The following SUPT16H variants were observed in gnomAD, a reference collection of about 807,000 sequenced individuals.
SUPT16H encodes the protein SPT16 homolog, facilitates chromatin remodeling subunit.
SUPT16H carries 24 observed loss-of-function variants against 136.2 expected under a neutral mutation model. The ratio of observed to expected loss-of-function variants is 0.18; its 90% CI spans 0.13 to 0.25. The LOEUF (loss-of-function observed/expected upper bound fraction) is 0.25. Ranked by LOEUF, SUPT16H falls within the 10% of genes least tolerant of loss-of-function variation. The pLI is 1.00. For synonymous variants in SUPT16H, 415 were observed against 428.2 expected, an observed-to-expected ratio of 0.97 and a Z score of 0.38; for missense variants, 623 against 1,270.2, an observed-to-expected ratio of 0.49 and a Z score of 7.74.
intron 14 of SUPT16H, 133 bp downstream of exon 14, chr14:21,362,661 G>A: frequency 2.9e-6 from 3 of 1,035,186 alleles, no homozygotes; most frequent in Middle Eastern, 3.3e-4. Context: ...AAGACAAGAG[G>A]GATGTCAGTA....
chr14:21,363,929 T>C (rs1183614703), intron 10 of SUPT16H, among the ~76,000 whole-genome samples: 1 of 152,168 alleles, frequency 6.6e-6, no homozygotes, highest in Non-Finnish European at 1.5e-5. Context: ...TCCACCTGCC[T>C]TGGCCTCCGA....
chr14:21,368,193 A>C, intron 7 of SUPT16H, 76 bp downstream of exon 7: 1 of 1,477,908 alleles, frequency 6.8e-7, no homozygotes, highest in South Asian at 1.3e-5. Flanking sequence ...TAGGGATTAC[A>C]GGTGTGACCC....
intron 1 of SUPT16H, among the ~76,000 whole-genome samples, chr14:21,380,990 CACT>C (rs1464455949): frequency 6.6e-6 from 1 of 151,698 alleles, no homozygotes; most frequent in East Asian, 1.9e-4. Context: ...CAGGAACCAC[CACT>C]ACCACCTGCG....
chr14:21,372,129 C>CA (rs1886798230), intron 2 of SUPT16H, 85 bp from the exon 3 acceptor site: 11 of 1,395,820 alleles, frequency 7.9e-6, no homozygotes, highest in Admixed American at 7.6e-5. Context: ...TACTTATAGA[C>CA]AAAAATAACA....
chr14:21,357,634 TTAAAAAA>T lies in SUPT16H; in HGVS notation c.2491-275_2491-269del, dbSNP rs960508373. On this transcript the variant is annotated intron_variant, in intron 21 of 25. Transcript: ENST00000216297. ...ATAAACTATTTAAAAAGACATTATC[TTAAAAAA>T]TAAAAAATAAAAAAAAGAGAGATAG... Among the ~76,000 whole-genome samples the T allele has an allele frequency of 5.3e-5, 8 of 151,916 alleles. No individual in the cohort carries two copies. The East Asian group carries it at 7.7e-4, about 15-fold the overall frequency.
Position 21,358,324 on chromosome 14 carries a change from C to T in SUPT16H, c.2405G>A (p.Arg802Lys), listed in dbSNP as rs1432956262. ...KEELEFEVPF[R>K]DLGFNGAPYR... is the part of the protein sequence containing the mutation. Reference sequence around the variant, plus strand: ...AAATAAGATAGGTTACCCCAAGTCCCTAAAAGGCACTTCAAATTCCAGTTC... The same window carrying T: ...AAATAAGATAGGTTACCCCAAGTCCTTAAAAGGCACTTCAAATTCCAGTTC... The change falls in exon 20 of 26, where the codon AGG becomes AAG. Residue 802 changes from arginine to lysine, a missense_variant. Physicochemically the swap from Arg to Lys is conservative, Grantham distance 26 (BLOSUM62 2). Transcript: ENST00000216297. The T allele has an allele frequency of 5.6e-6, 9 of 1,610,478 alleles. No homozygotes were observed. Among genetic ancestry groups the T allele is most frequent in the Non-Finnish European group, 7.6e-6 (9 of 1,178,346 alleles).
intron 1 of SUPT16H, among the ~76,000 whole-genome samples, chr14:21,377,564 A>G (rs1009747743): frequency 4.1e-4 from 62 of 151,396 alleles, no homozygotes; most frequent in African/African-American, 1.5e-3. Flanking sequence ...AGACATTTAT[A>G]TTCTATGCAT....
chr14:21,360,311 A>G (rs1445546557), intron 18 of SUPT16H, 104 bp downstream of exon 18: 1 of 889,882 alleles, frequency 1.1e-6, no homozygotes, highest in Non-Finnish European at 1.7e-6. Context: ...TGTGGGCATG[A>G]GCCACCGCGC....
At position 21,383,576 on chromosome 14, in the gene SUPT16H, T is replaced by C. The variant is rs984145690; in HGVS notation, c.66+286A>G. Reference sequence around the variant, plus strand: ...ACCACGGAGTAGGAGGGAAGGATGTTGCCTCTTCTAGGGCGGGAAGAGACT... The same window carrying C: ...ACCACGGAGTAGGAGGGAAGGATGTCGCCTCTTCTAGGGCGGGAAGAGACT... On this transcript the variant is annotated intron_variant, in intron 1 of 25. Transcript: ENST00000216297. The C allele has an allele frequency of 1.3e-5, 9 of 694,648 alleles. No individual in the cohort carries two copies. In the African/African-American group the frequency reaches 1.6e-4, roughly 12 times the overall value. 43.0% of individuals were successfully genotyped at this position (694,648 alleles called of 1,614,324 possible).
intron 2 of SUPT16H, chr14:21,372,535 T>C (rs889246300): frequency 6.0e-6 from 2 of 334,966 alleles, no homozygotes; most frequent in East Asian, 1.7e-4. Flanking sequence ...TGGTAGTGTG[T>C]GGAGCTTCAA....
rs761842139 is a variant in SUPT16H, at chr14:21,361,057, TTTGCCTGTGTTCAG to T, written c.1929+7_1929+20del. On this transcript the variant is annotated splice_region_variant and intron_variant, in intron 16 of 25. Coordinates refer to ENST00000216297, the MANE Select transcript of SUPT16H (RefSeq NM_007192.4). ...CATGTCCTTCTTTGTGTAAGAATGTTTTGCCTGTGTTCAGGCTCACCTCCTTCTCTTTCTCTTCA... is the reference window on the plus strand; with the variant it reads ...CATGTCCTTCTTTGTGTAAGAATGTTGCTCACCTCCTTCTCTTTCTCTTCA... The T allele has an allele frequency of 2.5e-6, 4 of 1,612,358 alleles. No homozygotes were observed. The South Asian group carries it at 4.4e-5, about 18-fold the overall frequency.
chr14:21,370,975 T>C (rs1429902121), intron 3 of SUPT16H, among the ~76,000 whole-genome samples: 1 of 151,990 alleles, frequency 6.6e-6, no homozygotes, highest in African/African-American at 2.4e-5. Flanking sequence ...TGGGGTTTTG[T>C]TATCTTGCCC....
rs1208642253 is a variant in SUPT16H, at chr14:21,384,004, A to C, written c.-77T>G. ...CTCAGCCACCCGCTCTCGGCCCAGG[A>C]ATCCCGCACTCTCCCAATGACCCGG... On this transcript the variant is annotated 5_prime_UTR_variant, in exon 1 of 26. In the 5' UTR this introduces an upstream ATG that the reference lacks. Coordinates refer to ENST00000216297, the MANE Select transcript of SUPT16H (RefSeq NM_007192.4). The C allele has an allele frequency of 6.5e-7, 1 of 1,536,648 alleles. No individual in the cohort carries two copies. The highest frequency in any genetic ancestry group is 2.2e-5 in the East Asian group (1 of 44,548).
At chr14:21,383,346 C>A in intron 1 of SUPT16H, 2 of 450,530 alleles carry the variant, frequency 4.4e-6, no homozygotes, top group Non-Finnish European at 7.9e-6. Context: ...GAGGCGGTTG[C>A]GCGTGAGCAG....
In SUPT16H at chr14:21,352,845, G is replaced by A. The variant is rs375957664; in HGVS notation, c.2999-27C>T. 27 of 1,613,998 alleles carry A rather than the reference G, an allele frequency of 1.7e-5. No homozygotes were observed. In the African/African-American group the frequency reaches 3.6e-4, roughly 22 times the overall value. On this transcript the variant is annotated intron_variant, in intron 25 of 25. Transcript: ENST00000216297. ...TAAATAGAAGAGGCATTATTAGTTAGCAATAGGTAAGCTTTAGGTACCTAA... is the reference window on the plus strand; with the variant it reads ...TAAATAGAAGAGGCATTATTAGTTAACAATAGGTAAGCTTTAGGTACCTAA...
At chr14:21,363,838 C>G (rs754416785) in intron 10 of SUPT16H, among the ~76,000 whole-genome samples, 9 of 152,110 alleles carry the variant, frequency 5.9e-5, no homozygotes, top group Non-Finnish European at 8.8e-5. Context: ...ACCACCACAC[C>G]TGGCTAATTT....
intron 1 of SUPT16H, among the ~76,000 whole-genome samples, chr14:21,380,943 T>TAGGC (rs1377345533): frequency 6.6e-6 from 1 of 151,340 alleles, no homozygotes; most frequent in East Asian, 1.9e-4. Flanking sequence ...AAGGATCTAG[T>TAGGC]AGGCATAAGA....
At chr14:21,374,360 A>T (rs915245820) in intron 1 of SUPT16H, among the ~76,000 whole-genome samples, 2 of 152,230 alleles carry the variant, frequency 1.3e-5, no homozygotes, top group Admixed American at 6.5e-5. Flanking sequence ...TTTATTTTTT[A>T]AAAAAGTTTT....
intron 1 of SUPT16H, among the ~76,000 whole-genome samples, chr14:21,378,274 G>C (rs1163630066): frequency 6.6e-6 from 1 of 152,078 alleles, no homozygotes; most frequent in Admixed American, 6.6e-5. Flanking sequence ...AGATTTATTG[G>C]AAAAAATTAA....
Sources: gnomAD v4.1 joint callset for allele counts (sites outside exome capture counted in the v4.1 genomes callset) on GRCh38, gnomAD v4.1.1 for gene constraint, MANE v1.5 for transcripts, NCBI Gene and HGNC (gene_info 2026-07-23, HGNC 2026-07-21) for gene names.